Variants in NUTM2B observed in about 807,000 individuals in gnomAD.
The protein encoded by NUTM2B is NUT family member 2B.
In NUTM2B, 2 loss-of-function variants were observed where a neutral mutation model predicts 42.4. The ratio of observed to expected loss-of-function variants is 0.05; its 90% CI spans 0.02 to 0.15. NUTM2B has a LOEUF of 0.15. NUTM2B is among the 10% of genes least tolerant of loss of function. The probability of loss-of-function intolerance (pLI) is 1.00; values close to 1 mark genes in which losing one functional copy is unlikely to be tolerated. For missense variants in NUTM2B, 58 were observed against 952.6 expected, an observed-to-expected ratio of 0.06 and a Z score of 12.36; for synonymous variants, 18 against 402.4, an observed-to-expected ratio of 0.04 and a Z score of 11.43.
intron 1 of NUTM2B, among the ~76,000 whole-genome samples, chr10:79,705,839 G>T (rs1314915864): frequency 6.7e-6 from 1 of 148,330 alleles, no homozygotes; most frequent in African/African-American, 2.5e-5. Flanking sequence ...AGGGGTCAGG[G>T]AGTCTTGGTG....
upstream of NUTM2B, among the ~76,000 whole-genome samples, chr10:79,699,962 C>A (rs1465421675): frequency 6.6e-6 from 1 of 152,260 alleles, no homozygotes; most frequent in African/African-American, 2.4e-5. Flanking sequence ...CTAACCCAAC[C>A]ACCCAAGATA....
the NUTM2B span, among the ~76,000 whole-genome samples, chr10:79,694,871 C>T: frequency 1.3e-5 from 2 of 152,096 alleles, no homozygotes; most frequent in Admixed American, 6.5e-5. Context: ...TGACTCTACC[C>T]TCCTCACTCC....
the NUTM2B span, among the ~76,000 whole-genome samples, chr10:79,697,683 C>G: frequency 6.6e-6 from 1 of 151,996 alleles, no homozygotes; most frequent in South Asian, 2.1e-4. Flanking sequence ...TAAGAAAATC[C>G]TTTTCAGTAG....
chr10:79,694,397 CAA>C, the NUTM2B span, among the ~76,000 whole-genome samples: 1 of 126,482 alleles, frequency 7.9e-6, no homozygotes, highest in Admixed American at 8.1e-5. Context: ...GACTCTGTCT[CAA>C]AAAAAAAAAG....
chr10:79,698,881 AC>A (rs1840266963), upstream of NUTM2B, among the ~76,000 whole-genome samples: 1 of 152,114 alleles, frequency 6.6e-6, no homozygotes, highest in African/African-American at 2.4e-5. Flanking sequence ...AAATATGCAA[AC>A]ATGCCACCTT....
At chr10:79,693,721 T>A in the NUTM2B span, among the ~76,000 whole-genome samples, 39,677 of 152,008 alleles carry the variant, frequency 0.26, 5,851 homozygotes, top group East Asian at 0.69. Context: ...TTTTAAGACA[T>A]ATATTATAAA....
At chr10:79,693,208 C>A in the NUTM2B span, among the ~76,000 whole-genome samples, 1 of 152,210 alleles carries the variant, frequency 6.6e-6, no homozygotes, top group Non-Finnish European at 1.5e-5. Context: ...TTCCTTTGAC[C>A]CCAGGCTCCT....
chr10:79,707,206 C>T (rs1156975137), intron 2 of NUTM2B, among the ~76,000 whole-genome samples: 4 of 133,102 alleles, frequency 3.0e-5, no homozygotes, highest in East Asian at 4.9e-4. Context: ...GTTAGCACAG[C>T]GGTGGTGGAG....
the NUTM2B span, among the ~76,000 whole-genome samples, chr10:79,696,147 C>A: frequency 2.0e-5 from 3 of 148,020 alleles, no homozygotes; most frequent in Non-Finnish European, 4.5e-5. Context: ...TGAACACACA[C>A]ACCGCCCCCC....
the NUTM2B span, among the ~76,000 whole-genome samples, chr10:79,694,701 C>A: frequency 4.6e-5 from 7 of 152,168 alleles, no homozygotes; most frequent in Admixed American, 4.6e-4. Context: ...GGACCCAGAA[C>A]CAGATGAATA....
At chr10:79,699,441 CCTT>C (rs563358924), upstream of NUTM2B, among the ~76,000 whole-genome samples, 65 of 152,148 alleles carry the variant, frequency 4.3e-4, no homozygotes, top group South Asian at 0.012. Context: ...ACAGTTATGA[CCTT>C]CTTTTTTAGG....
At position 79,711,851 on chromosome 10, in the gene NUTM2B, G is replaced by A. The variant is rs753251319; in HGVS notation, c.2003G>A (p.Gly668Asp). ...GTCCCTGACCCCCAACAAGGGGTTG[G>A]CATGGAAACCTGCCCACCCCAGATG... is the stretch of plus-strand genomic sequence containing the variant. The change falls in exon 7 of 7, where the codon GGC becomes GAC. Residue 668 changes from glycine to aspartate, a missense_variant. Physicochemically the swap from Gly to Asp is moderately conservative, Grantham distance 94. Transcript: ENST00000429828. 2.1e-5 allele frequency: 33 copies of A among 1,565,872 alleles called. No individual in the cohort carries two copies. The African/African-American group carries it at 4.6e-4, about 22-fold the overall frequency.
upstream of NUTM2B, among the ~76,000 whole-genome samples, chr10:79,699,189 C>T (rs539295861): frequency 4.0e-5 from 6 of 151,744 alleles, no homozygotes; most frequent in South Asian, 2.1e-4. Context: ...CCAAACAGAG[C>T]GTACATCCAC....
At chr10:79,695,331 C>T in the NUTM2B span, among the ~76,000 whole-genome samples, 1 of 152,192 alleles carries the variant, frequency 6.6e-6, no homozygotes, top group Non-Finnish European at 1.5e-5. Flanking sequence ...CTGTACGGAA[C>T]TTCAGAAAGA....
the NUTM2B span, among the ~76,000 whole-genome samples, chr10:79,692,819 G>A: frequency 2.0e-5 from 3 of 152,110 alleles, no homozygotes; most frequent in Admixed American, 2.0e-4. Context: ...GAAGGCCCTG[G>A]TCTCCTTAAA....
upstream of NUTM2B, among the ~76,000 whole-genome samples, chr10:79,701,685 T>C (rs1406559468): frequency 2.0e-5 from 3 of 150,684 alleles, no homozygotes; most frequent in African/African-American, 7.3e-5. Flanking sequence ...CTTTCTCAGC[T>C]GTCAGTGCGG....
intron 3 of NUTM2B, among the ~76,000 whole-genome samples, 162 bp downstream of exon 3, chr10:79,708,989 C>G (rs1195923895): frequency 7.1e-5 from 9 of 126,442 alleles, no homozygotes; most frequent in Non-Finnish European, 1.1e-4. Flanking sequence ...CTCCTGCCAC[C>G]TAGAGTGTTC....
upstream of NUTM2B, among the ~76,000 whole-genome samples, chr10:79,698,325 C>T (rs1421991607): frequency 6.6e-6 from 1 of 152,120 alleles, no homozygotes; most frequent in Non-Finnish European, 1.5e-5. Context: ...CTCCGGAATA[C>T]AACCTCCTCA....
Position 79,705,133 on chromosome 10 carries a change from G to A in NUTM2B, c.383-909G>A, listed in dbSNP as rs571777910. 1.6e-4 allele frequency among the ~76,000 whole-genome samples: 20 copies of A among 128,026 alleles called. 5 individuals carry two copies. Among genetic ancestry groups the A allele is most frequent in the African/African-American group, 5.8e-4 (20 of 34,266 alleles). 84.0% of individuals were successfully genotyped at this position (128,026 alleles called of 152,430 possible). Reference sequence around the variant, plus strand: ...ATGTTCAGTTATTAGGAGCTCAAAGGAGAAGGGCCAGGGATGGGCTCCTTG... The same window carrying A: ...ATGTTCAGTTATTAGGAGCTCAAAGAAGAAGGGCCAGGGATGGGCTCCTTG... On this transcript the variant is annotated intron_variant, in intron 1 of 6. Transcript: ENST00000429828.
Sources: allele counts gnomAD v4.1 joint callset (sites outside exome capture counted in the v4.1 genomes callset), GRCh38; gene constraint gnomAD v4.1.1; transcripts MANE v1.5; gene names NCBI Gene and HGNC (gene_info 2026-07-23, HGNC 2026-07-21).